TBC1D5: variants seen among roughly 807,000 people sequenced by gnomAD.
TBC1D5 encodes the protein TBC1 domain family, member 5.
Under a neutral mutation model 100.3 loss-of-function variants are expected in TBC1D5, and 75 were observed. The ratio of observed to expected loss-of-function variants is 0.75; its 90% confidence interval spans 0.62 to 0.91. TBC1D5 has a LOEUF of 0.91. TBC1D5 is among the 40% of genes least tolerant of loss of function. The pLI is 0.00. For missense variants in TBC1D5, 910 were observed against 942.4 expected, an observed-to-expected ratio of 0.97 and a Z score of 0.45; for synonymous variants, 323 against 325.6, an observed-to-expected ratio of 0.99 and a Z score of 0.09.
intron 2 of TBC1D5, among the ~76,000 whole-genome samples, chr3:17,544,905 G>A (rs2096399788): frequency 6.6e-6 from 1 of 152,044 alleles, no homozygotes; most frequent in Non-Finnish European, 1.5e-5. Context: ...ACATCACGTG[G>A]CATTAATTAC....
At chr3:17,490,132 A>T (rs1358272316) in intron 3 of TBC1D5, among the ~76,000 whole-genome samples, 1 of 152,066 alleles carries the variant, frequency 6.6e-6, no homozygotes, top group African/African-American at 2.4e-5. Context: ...CTTTTTGGCC[A>T]CATGTATGTC....
intron 2 of TBC1D5, among the ~76,000 whole-genome samples, chr3:17,595,531 A>G (rs1202020652): frequency 6.6e-6 from 1 of 152,344 alleles, no homozygotes; most frequent in South Asian, 2.1e-4. Flanking sequence ...AATAAGAGTT[A>G]CCATTTATTG....
chr3:17,622,967 CA>C (rs2062784003), intron 2 of TBC1D5, among the ~76,000 whole-genome samples: 1 of 152,122 alleles, frequency 6.6e-6, no homozygotes, highest in Non-Finnish European at 1.5e-5. Context: ...GCTTAAAGAC[CA>C]AAAGCCTATG....
chr3:17,317,044 T>C (rs973323634), intron 13 of TBC1D5, among the ~76,000 whole-genome samples: 5 of 152,242 alleles, frequency 3.3e-5, no homozygotes, highest in Admixed American at 2.6e-4. Flanking sequence ...ATCAATCTGG[T>C]TTACCACAGT....
At chr3:17,350,370 C>T (rs2090417727) in intron 13 of TBC1D5, among the ~76,000 whole-genome samples, 1 of 152,172 alleles carries the variant, frequency 6.6e-6, no homozygotes, top group Non-Finnish European at 1.5e-5. Context: ...CACCAATAAA[C>T]ATCAATCCCA....
intron 1 of TBC1D5, among the ~76,000 whole-genome samples, chr3:17,733,909 CTCT>C (rs1560582573): frequency 6.6e-6 from 1 of 152,056 alleles, no homozygotes; most frequent in Non-Finnish European, 1.5e-5. Flanking sequence ...AAGTTAAAAA[CTCT>C]TCTATTTACC....
intron 2 of TBC1D5, among the ~76,000 whole-genome samples, chr3:17,542,474 C>A (rs1300029996): frequency 6.6e-6 from 1 of 152,046 alleles, no homozygotes; most frequent in Non-Finnish European, 1.5e-5. Context: ...CACCTTGGCC[C>A]CCAAAAGCAC....
chr3:17,349,391 T>C (rs889580176), intron 13 of TBC1D5, among the ~76,000 whole-genome samples: 2 of 152,354 alleles, frequency 1.3e-5, no homozygotes, highest in South Asian at 4.1e-4. Flanking sequence ...ATCACTGGTA[T>C]ACATTATTCT....
intron 1 of TBC1D5, among the ~76,000 whole-genome samples, chr3:17,726,604 T>C (rs532562813): frequency 5.3e-5 from 8 of 152,250 alleles, no homozygotes; most frequent in Non-Finnish European, 7.3e-5. Flanking sequence ...TTATTGATTC[T>C]GGATATTATA....
intron 13 of TBC1D5, chr3:17,333,447 T>C (rs1039061302): frequency 1.3e-5 from 2 of 152,102 alleles, no homozygotes; most frequent in African/African-American, 4.8e-5. Context: ...TGTTGATGCA[T>C]CCAATTCCCC....
intron 8 of TBC1D5, among the ~76,000 whole-genome samples, chr3:17,399,584 C>G (rs930110550): frequency 6.6e-6 from 1 of 152,232 alleles, no homozygotes; most frequent in East Asian, 1.9e-4. Flanking sequence ...TTTCCAGCTT[C>G]CATTCTTACA....
At chr3:17,226,048 T>G (rs2074858329) in intron 17 of TBC1D5, among the ~76,000 whole-genome samples, 1 of 151,674 alleles carries the variant, frequency 6.6e-6, no homozygotes, top group Admixed American at 6.6e-5. Flanking sequence ...GAGGGACAAC[T>G]GTATTTCCTC....
At chr3:17,539,445 C>T (rs566011126) in intron 2 of TBC1D5, among the ~76,000 whole-genome samples, 7 of 152,304 alleles carry the variant, frequency 4.6e-5, no homozygotes, top group African/African-American at 1.7e-4. Context: ...GACAGTTTTG[C>T]AGGGCCATTT....
intron 18 of TBC1D5, among the ~76,000 whole-genome samples, chr3:17,213,136 T>C (rs1279210944): frequency 6.6e-6 from 1 of 152,206 alleles, no homozygotes; most frequent in African/African-American, 2.4e-5. Context: ...TATGTTTAGA[T>C]ACAAAAATAC....
intron 13 of TBC1D5, among the ~76,000 whole-genome samples, chr3:17,318,178 G>A (rs1353963962): frequency 1.4e-5 from 2 of 139,880 alleles, no homozygotes; most frequent in Non-Finnish European, 1.5e-5. Context: ...ACTGAACAAT[G>A]AGAACACATG....
intron 2 of TBC1D5, among the ~76,000 whole-genome samples, chr3:17,590,239 G>A (rs2096758092): frequency 6.6e-6 from 1 of 152,216 alleles, no homozygotes; most frequent in Non-Finnish European, 1.5e-5. Flanking sequence ...TGTACATTAA[G>A]GGTGTAGGAT....
intron 13 of TBC1D5, among the ~76,000 whole-genome samples, chr3:17,313,003 C>T (rs2084227041): frequency 6.6e-6 from 1 of 152,168 alleles, no homozygotes; most frequent in African/African-American, 2.4e-5. Flanking sequence ...AAGTATGGTA[C>T]TTCAAGGACT....
At chr3:17,469,270 A>G (rs2095345076) in intron 3 of TBC1D5, among the ~76,000 whole-genome samples, 1 of 152,220 alleles carries the variant, frequency 6.6e-6, no homozygotes, top group Non-Finnish European at 1.5e-5. Context: ...GTAGAAAAAG[A>G]TGGTATGAAG....
intron 3 of TBC1D5, among the ~76,000 whole-genome samples, chr3:17,506,393 C>T (rs1350970420): frequency 1.3e-5 from 2 of 152,078 alleles, no homozygotes; most frequent in East Asian, 1.9e-4. Context: ...TGTGCATGTG[C>T]GTATGTGTGT....
Sources: gnomAD v4.1 joint callset for allele counts (sites outside exome capture counted in the v4.1 genomes callset) on GRCh38, gnomAD v4.1.1 for gene constraint, MANE v1.5 for transcripts, NCBI Gene and HGNC (gene_info 2026-07-23, HGNC 2026-07-21) for gene names.